Variants in PCM1 observed in about 807,000 individuals in gnomAD.
The protein encoded by PCM1 is pericentriolar material 1, also known as pericentriolar material 1 protein.
Under a neutral mutation model 241.9 loss-of-function variants are expected in PCM1, and 157 were observed. The ratio of observed to expected loss-of-function variants is 0.65; its 90% CI spans 0.57 to 0.74. The LOEUF is 0.74. Among genes scored for constraint, PCM1 ranks in the 30% least tolerant of loss-of-function variants. The probability of loss-of-function intolerance (pLI) is 0.00; values close to 1 mark genes in which losing one functional copy is unlikely to be tolerated. For synonymous variants in PCM1, 1,085 were observed against 784.9 expected, an observed-to-expected ratio of 1.38 and a Z score of -6.39; for missense variants, 3,478 against 2,360.1, an observed-to-expected ratio of 1.47 and a Z score of -9.81.
At chr8:18,010,922 G>A (rs2092404418) in intron 32 of PCM1, among the ~76,000 whole-genome samples, 1 of 152,126 alleles carries the variant, frequency 6.6e-6, no homozygotes, top group Non-Finnish European at 1.5e-5. Context: ...GTATTGAGCC[G>A]AGATCATGCC....
rs2061290685 is a variant in PCM1, at chr8:17,939,121, G to T, written c.612+112G>T. The T allele has an allele frequency of 4.3e-6, 4 of 924,664 alleles. No individual in the cohort carries two copies. The African/African-American group carries it at 5.0e-5, about 11-fold the overall frequency. The allele number at this position is 924,664 out of a possible 1,614,324, so 57.3% of individuals were successfully genotyped here. On this transcript the variant is annotated intron_variant, in intron 5 of 38. Coordinates refer to ENST00000325083, the MANE Select transcript of PCM1 (RefSeq NM_006197.4). The stretch of plus-strand genomic sequence containing the variant: ...GGAATTTTAGTTGGGTGGAATTAAA[G>T]TGCTTCACTGACCTCCTTTGTTAAT...
chr8:17,946,828 C>G lies in PCM1; in HGVS notation c.784-358C>G, dbSNP rs1034877369. ...CTCCTTTTCTGTAGGGGCCTAGATTCTTCAGTGTGTGTGTGTGTGTGTGTG... is the reference window on the plus strand; with the variant it reads ...CTCCTTTTCTGTAGGGGCCTAGATTGTTCAGTGTGTGTGTGTGTGTGTGTG... On this transcript the variant is annotated intron_variant, in intron 6 of 38. Transcript: ENST00000325083. 3.1e-5 allele frequency among the ~76,000 whole-genome samples: 4 copies of G among 127,194 alleles called. No homozygotes were observed. In the East Asian group the frequency reaches 7.6e-4, roughly 24 times the overall value. 83.4% of individuals were successfully genotyped at this position (127,194 alleles called of 152,430 possible).
At chr8:17,997,667 G>T (rs913806838) in intron 29 of PCM1, among the ~76,000 whole-genome samples, 3 of 151,910 alleles carry the variant, frequency 2.0e-5, no homozygotes, top group African/African-American at 7.3e-5. Flanking sequence ...TTCAACTCTA[G>T]AATTTCTGCT....
intron 29 of PCM1, among the ~76,000 whole-genome samples, chr8:18,002,919 T>A (rs2090094760): frequency 6.6e-6 from 1 of 152,156 alleles, no homozygotes; most frequent in Non-Finnish European, 1.5e-5. Context: ...TTTTGACCTT[T>A]CAACTCTCCT....
At position 17,962,122 on chromosome 8, in the gene PCM1, G is replaced by A; in HGVS notation, c.2411G>A (p.Ser804Asn). The change falls in exon 16 of 39, where the codon AGT (serine) becomes AAT (asparagine). Residue 804 changes from serine to asparagine, a missense_variant. Ser to Asn is a conservative substitution (Grantham distance 46). Transcript: ENST00000325083. ...STPTVNQHET[S>N]TSKSVFEPED... ...CCAACTGTTAATCAACACGAGACCA[G>A]TACAAGCAAATCTGTTTTTGAGCCT... 1.2e-6 allele frequency: 2 copies of A among 1,610,312 alleles called. No individual in the cohort carries two copies. The highest frequency in any genetic ancestry group is 1.1e-5 in the South Asian group (1 of 90,498).
At position 17,992,179 on chromosome 8, in the gene PCM1, A is replaced by G. The variant is rs535312175; in HGVS notation, c.4690+479A>G. Among the ~76,000 whole-genome samples, 5 of 152,308 alleles carry G rather than the reference A, an allele frequency of 3.3e-5. No homozygotes were observed. In the South Asian group the frequency reaches 6.2e-4, roughly 19 times the overall value. Reference sequence around the variant, plus strand: ...ATTTGGACTGGTTCCATATTTTGCAACTGCAGATTGTGCTGCTATAAACAT... The same window carrying G: ...ATTTGGACTGGTTCCATATTTTGCAGCTGCAGATTGTGCTGCTATAAACAT... On this transcript the variant is annotated intron_variant, in intron 28 of 38. Transcript: ENST00000325083.
At chr8:17,986,977 A>C (rs931427432) in intron 26 of PCM1, among the ~76,000 whole-genome samples, 1 of 151,810 alleles carries the variant, frequency 6.6e-6, no homozygotes, top group Non-Finnish European at 1.5e-5. Context: ...CTTTTCAGAT[A>C]CAGTAATTTC....
intron 6 of PCM1, 107 bp from the exon 7 acceptor site, chr8:17,947,079 G>A: frequency 1.6e-6 from 1 of 625,572 alleles, no homozygotes; most frequent in Non-Finnish European, 2.8e-6. Context: ...ATTTAGGGTT[G>A]TATATTTAAT....
chr8:17,984,586 G>A (rs2081997523), intron 24 of PCM1, among the ~76,000 whole-genome samples: 1 of 151,802 alleles, frequency 6.6e-6, no homozygotes, highest in Non-Finnish European at 1.5e-5. Context: ...TATTAGCCAA[G>A]TAGTGGAAAA....
intron 6 of PCM1, among the ~76,000 whole-genome samples, chr8:17,946,764 G>A (rs190100831): frequency 1.0e-3 from 159 of 151,844 alleles, no homozygotes; most frequent in African/African-American, 3.6e-3. Flanking sequence ...GAAGTGCTAG[G>A]ATTACAAGAC....
chr8:17,985,676 CTCTGGTTGCTG>C, intron 25 of PCM1, 57 bp downstream of exon 25: 1 of 1,309,260 alleles, frequency 7.6e-7, no homozygotes, highest in Admixed American at 2.0e-5. Context: ...TCATGATTAT[CTCTGGTTGCTG>C]TCTTAGACTG....
At chr8:17,946,528 G>A (rs771061647) in intron 6 of PCM1, among the ~76,000 whole-genome samples, 4 of 149,536 alleles carry the variant, frequency 2.7e-5, no homozygotes, top group African/African-American at 7.4e-5. Flanking sequence ...ACGGGGTCTC[G>A]CTCTGTCACC....
In PCM1 at chr8:17,964,605, C is replaced by G. The variant is rs762539445; in HGVS notation, c.2692C>G (p.Leu898Val). 28 of 1,613,752 alleles carry G rather than the reference C, an allele frequency of 1.7e-5. No individual in the cohort carries two copies. The highest frequency in any genetic ancestry group is 2.3e-5 in the Non-Finnish European group (27 of 1,179,812). ...TTGGGGAGGGTCTACCCAGTGTGCACTAGATGAAGAAGGAGATGAAGACGG... is the reference window on the plus strand; with the variant it reads ...TTGGGGAGGGTCTACCCAGTGTGCAGTAGATGAAGAAGGAGATGAAGACGG... ...ATWGGSTQCA[L>V]DEEGDEDGYL... Residue 898 changes from leucine to valine, a missense_variant, in exon 18 of 39, where the codon CTA becomes GTA. Leu to Val is a conservative substitution (Grantham distance 32, BLOSUM62 1). Transcript: ENST00000325083.
intron 18 of PCM1, among the ~76,000 whole-genome samples, chr8:17,965,033 T>G (rs951530278): frequency 1.3e-5 from 2 of 152,176 alleles, no homozygotes; most frequent in African/African-American, 4.8e-5. Flanking sequence ...ATTTGGGAGT[T>G]CTTACAATCC....
intron 23 of PCM1, among the ~76,000 whole-genome samples, chr8:17,976,526 C>A (rs954597885): frequency 6.6e-5 from 10 of 152,328 alleles, no homozygotes; most frequent in Middle Eastern, 3.4e-3. Context: ...AGCAACTTCT[C>A]ACAAGCCTCT....
In PCM1 at chr8:18,014,153, T is replaced by G. The variant is rs933895631; in HGVS notation, c.5584+117T>G. On this transcript the variant is annotated intron_variant, in intron 35 of 38. Transcript: ENST00000325083. Reference sequence around the variant, plus strand: ...TAAAATTCTTAGTTTGAAAGTACTTTGGACCTGATGTATGTTTTTCTTCTC... The same window carrying G: ...TAAAATTCTTAGTTTGAAAGTACTTGGGACCTGATGTATGTTTTTCTTCTC... The G allele has an allele frequency of 4.7e-6, 3 of 635,474 alleles. No homozygotes were observed. The African/African-American group carries it at 5.7e-5, about 12-fold the overall frequency. The allele number at this position is 635,474 out of a possible 1,614,324, so 39.4% of individuals were successfully genotyped here. A position where few individuals can be genotyped will look rare whatever the true frequency, so the allele number is the denominator to read the frequency against.
chr8:17,996,561 T>C (rs2086829706), intron 29 of PCM1, among the ~76,000 whole-genome samples: 1 of 152,202 alleles, frequency 6.6e-6, no homozygotes, highest in African/African-American at 2.4e-5. Context: ...GTTTCGTTGC[T>C]CTTTTGTATT....
rs375501676 is a variant in PCM1, at chr8:17,939,754, C to A, written c.676C>A (p.Leu226Ile). 4 of 1,557,234 alleles carry A rather than the reference C, an allele frequency of 2.6e-6. No homozygotes were observed. The highest frequency in any genetic ancestry group is 1.4e-5 in the African/African-American group (1 of 73,676). ...ITKASSMRED[L>I]VEKNERSANV... ...TAAAGCTAGTTCCATGCGGGAAGAT[C>A]TTGTAGAGAAAAATGAGAGATCTGC... Residue 226 changes from leucine to isoleucine, a missense_variant, in exon 6 of 39, where the codon CTT becomes ATT. Coordinates refer to ENST00000325083, the MANE Select transcript of PCM1 (RefSeq NM_006197.4).
intron 36 of PCM1, among the ~76,000 whole-genome samples, chr8:18,022,676 C>T (rs1045193291): frequency 6.6e-6 from 1 of 152,192 alleles, no homozygotes; most frequent in African/African-American, 2.4e-5. Flanking sequence ...TGGAACTGGG[C>T]CTAATCTAGC....
Sources: allele counts gnomAD v4.1 joint callset (sites outside exome capture counted in the v4.1 genomes callset), GRCh38; gene constraint gnomAD v4.1.1; transcripts MANE v1.5; gene names NCBI Gene and HGNC (gene_info 2026-07-23, HGNC 2026-07-21).